Variants in CDKAL1 observed in about 807,000 individuals in gnomAD.
CDKAL1 encodes CDKAL1 threonylcarbamoyladenosine tRNA methylthiotransferase, also known as threonylcarbamoyladenosine tRNA methylthiotransferase.
Under a neutral mutation model 68.2 loss-of-function variants are expected in CDKAL1, and 32 were observed. That is an observed-to-expected ratio of 0.47 (90% confidence interval 0.35 to 0.63). The LOEUF (loss-of-function observed/expected upper bound fraction) is 0.63. CDKAL1 is among the 30% of genes least tolerant of loss of function. CDKAL1 has a pLI of 0.00. For synonymous variants in CDKAL1, 234 were observed against 244.3 expected (o/e 0.96, Z 0.39); for missense variants, 606 against 696.7 (o/e 0.87, Z 1.47).
intron 13 of CDKAL1, among the ~76,000 whole-genome samples, chr6:21,128,096 C>T (rs1268712860): frequency 6.6e-6 from 1 of 152,166 alleles, no homozygotes; most frequent in East Asian, 1.9e-4. Context: ...TTTCTTTTGA[C>T]TTTACGATTG....
At chr6:20,612,530 C>T (rs556000683) in intron 4 of CDKAL1, among the ~76,000 whole-genome samples, 3 of 152,102 alleles carry the variant, frequency 2.0e-5, no homozygotes, top group African/African-American at 7.2e-5. Flanking sequence ...TTCCATATAC[C>T]TGTTGTCCAT....
In CDKAL1 at chr6:20,961,653, G is replaced by C. The variant is rs373715620; in HGVS notation, c.909+6068G>C. 9.9e-5 allele frequency among the ~76,000 whole-genome samples: 15 copies of C among 152,026 alleles called. No individual in the cohort carries two copies. In the East Asian group the frequency reaches 2.1e-3, roughly 22 times the overall value. Reference sequence around the variant, plus strand: ...GTGGTGGCGGGTGCCTGTAGTCTCAGCTACTCTGGAGGCTGAGGCAGGAGA... The same window carrying C: ...GTGGTGGCGGGTGCCTGTAGTCTCACCTACTCTGGAGGCTGAGGCAGGAGA... On this transcript the variant is annotated intron_variant, in intron 10 of 15. Transcript: ENST00000274695.
At chr6:20,664,234 A>G (rs1769422324) in intron 5 of CDKAL1, among the ~76,000 whole-genome samples, 2 of 152,164 alleles carry the variant, frequency 1.3e-5, no homozygotes, top group African/African-American at 2.4e-5. Context: ...CTTTGTGTGC[A>G]TGTGTGCTCG....
intron 8 of CDKAL1, among the ~76,000 whole-genome samples, chr6:20,830,092 G>A (rs965502136): frequency 3.3e-5 from 5 of 152,164 alleles, no homozygotes; most frequent in Non-Finnish European, 5.9e-5. Context: ...CTGGCCTCAA[G>A]TAATCCACCT....
intron 10 of CDKAL1, among the ~76,000 whole-genome samples, chr6:20,995,618 A>G (rs1297857007): frequency 1.3e-5 from 2 of 152,204 alleles, no homozygotes; most frequent in Non-Finnish European, 1.5e-5. Context: ...TAAAATATCC[A>G]GTAAACCATG....
chr6:20,731,063 C>G (rs1772902476), intron 5 of CDKAL1, among the ~76,000 whole-genome samples: 1 of 152,034 alleles, frequency 6.6e-6, no homozygotes, highest in South Asian at 2.1e-4. Flanking sequence ...GACTTTTTTT[C>G]AGGAACACTC....
At chr6:20,867,144 CATTTA>C (rs1411667424) in intron 9 of CDKAL1, among the ~76,000 whole-genome samples, 1 of 152,124 alleles carries the variant, frequency 6.6e-6, no homozygotes, top group Non-Finnish European at 1.5e-5. Context: ...AGGATCAAGT[CATTTA>C]TTTGATGAGG....
chr6:21,079,315 C>A (rs1772252732), intron 12 of CDKAL1, among the ~76,000 whole-genome samples: 1 of 152,064 alleles, frequency 6.6e-6, no homozygotes, highest in African/African-American at 2.4e-5. Flanking sequence ...TAGGGAGCTA[C>A]TGAGTAGTAG....
intron 6 of CDKAL1, among the ~76,000 whole-genome samples, chr6:20,757,606 G>A (rs924025664): frequency 9.9e-5 from 15 of 151,968 alleles, no homozygotes; most frequent in African/African-American, 3.4e-4. Flanking sequence ...TAAAACTATA[G>A]AACAGACCTA....
chr6:20,914,619 G>A (rs567408950), intron 9 of CDKAL1, among the ~76,000 whole-genome samples: 1 of 152,276 alleles, frequency 6.6e-6, no homozygotes, highest in South Asian at 2.1e-4. Flanking sequence ...TTGAATTTGT[G>A]AATGTCTTTA....
chr6:20,909,976 G>A (rs1762396280), intron 9 of CDKAL1, among the ~76,000 whole-genome samples: 1 of 152,296 alleles, frequency 6.6e-6, no homozygotes, highest in African/African-American at 2.4e-5. Context: ...AGCATTATTT[G>A]TAGTTATCTA....
intron 8 of CDKAL1, among the ~76,000 whole-genome samples, chr6:20,784,211 T>TAAA (rs1177608844): frequency 7.4e-6 from 1 of 135,442 alleles, no homozygotes; most frequent in Non-Finnish European, 1.6e-5. Context: ...GACTCCGTCT[T>TAAA]AAAAAAAAAA....
intron 11 of CDKAL1, among the ~76,000 whole-genome samples, chr6:21,006,641 T>C (rs890637617): frequency 3.3e-5 from 5 of 152,190 alleles, no homozygotes; most frequent in Non-Finnish European, 5.9e-5. Context: ...GAAAAACATA[T>C]TTACTTTTTT....
At chr6:20,639,393 G>A (rs149303815) in intron 4 of CDKAL1, among the ~76,000 whole-genome samples, 4 of 152,244 alleles carry the variant, frequency 2.6e-5, no homozygotes, top group African/African-American at 9.6e-5. Context: ...ACTCTTGAGA[G>A]TTTCAGAATG....
At chr6:21,129,450 C>T (rs868826571) in intron 13 of CDKAL1, among the ~76,000 whole-genome samples, 1 of 151,992 alleles carries the variant, frequency 6.6e-6, no homozygotes, top group African/African-American at 2.4e-5. Flanking sequence ...CTCCAACCTA[C>T]TGTGAGTAGA....
intron 11 of CDKAL1, among the ~76,000 whole-genome samples, chr6:21,027,520 C>T (rs1046919241): frequency 3.3e-5 from 5 of 152,168 alleles, no homozygotes; most frequent in Non-Finnish European, 7.3e-5. Flanking sequence ...ATTTTGATGA[C>T]ATGAAGAGAG....
At chr6:20,645,467 C>G (rs1561992943) in intron 4 of CDKAL1, among the ~76,000 whole-genome samples, 1 of 152,084 alleles carries the variant, frequency 6.6e-6, no homozygotes, top group Non-Finnish European at 1.5e-5. Context: ...CGCAGTGGCT[C>G]ACACCTGTAA....
intron 8 of CDKAL1, among the ~76,000 whole-genome samples, chr6:20,820,153 A>G (rs1777217955): frequency 6.6e-6 from 1 of 152,184 alleles, no homozygotes. Flanking sequence ...GCCTCAAAGT[A>G]TGTAGGCTGC....
chr6:21,203,478 C>T (rs1250402570), intron 15 of CDKAL1, among the ~76,000 whole-genome samples: 2 of 151,228 alleles, frequency 1.3e-5, no homozygotes, highest in Non-Finnish European at 2.9e-5. Flanking sequence ...TCAGGTGATC[C>T]GCCCACTTCA....
Sources: allele counts gnomAD v4.1 joint callset (sites outside exome capture counted in the v4.1 genomes callset), GRCh38; gene constraint gnomAD v4.1.1; transcripts MANE v1.5; gene names NCBI Gene and HGNC (gene_info 2026-07-23, HGNC 2026-07-21).